The following MAPKAPK5 variants were observed in gnomAD, a reference collection of about 807,000 sequenced individuals.
MAPKAPK5 encodes MAPK activated protein kinase 5.
MAPKAPK5 carries 30 observed loss-of-function variants against 65.1 expected under a neutral mutation model. The ratio of observed to expected loss-of-function variants is 0.46; its 90% confidence interval spans 0.34 to 0.63. MAPKAPK5 has a LOEUF of 0.63. MAPKAPK5 is among the 20% of genes least tolerant of loss of function. MAPKAPK5 has a pLI of 0.01. For missense variants in MAPKAPK5, 433 were observed against 581.4 expected (o/e 0.74, Z 2.63); for synonymous variants, 179 against 204.6 (o/e 0.87, Z 1.07).
intron 1 of MAPKAPK5, among the ~76,000 whole-genome samples, chr12:111,857,889 T>G (rs7956495): frequency 0.2 from 30,078 of 151,756 alleles, 3,194 homozygotes; most frequent in Middle Eastern, 0.28. Context: ...GTGTTTTTTT[T>G]TGTGTGTGTG....
intron 7 of MAPKAPK5, among the ~76,000 whole-genome samples, chr12:111,875,325 C>T (rs2069926382): frequency 1.3e-5 from 2 of 152,118 alleles, no homozygotes; most frequent in Admixed American, 1.3e-4. Flanking sequence ...TTCAGTGCCT[C>T]AGTGGCATGG....
At chr12:111,850,359 G>A (rs2069038419) in intron 1 of MAPKAPK5, among the ~76,000 whole-genome samples, 1 of 152,162 alleles carries the variant, frequency 6.6e-6, no homozygotes, top group Admixed American at 6.6e-5. Flanking sequence ...TGAAGATGCA[G>A]CTTTTACGTG....
At chr12:111,861,166 A>T (rs891209725) in intron 1 of MAPKAPK5, among the ~76,000 whole-genome samples, 6 of 151,944 alleles carry the variant, frequency 3.9e-5, no homozygotes, top group Non-Finnish European at 7.4e-5. Context: ...TAAAAAAAAA[A>T]ATAATTTCCA....
chr12:111,872,322 A>T (rs1192167933), intron 7 of MAPKAPK5, among the ~76,000 whole-genome samples: 1 of 152,182 alleles, frequency 6.6e-6, no homozygotes, highest in Non-Finnish European at 1.5e-5. Flanking sequence ...TAGCGGGCAG[A>T]GTATTACTTC....
intron 1 of MAPKAPK5, among the ~76,000 whole-genome samples, chr12:111,856,423 T>TG (rs1555268527): frequency 2.0e-5 from 3 of 150,806 alleles, no homozygotes; most frequent in African/African-American, 4.9e-5. Flanking sequence ...TTTTTTTTTT[T>TG]GAGACGGAGT....
At chr12:111,847,056 A>C (rs776477847) in intron 1 of MAPKAPK5, among the ~76,000 whole-genome samples, 11 of 152,006 alleles carry the variant, frequency 7.2e-5, no homozygotes, top group Non-Finnish European at 1.2e-4. Context: ...ACTTTAGGAT[A>C]AGGGGCTGGG....
At chr12:111,885,552 C>G (rs1357829135) in intron 9 of MAPKAPK5, 1 of 175,656 alleles carries the variant, frequency 5.7e-6, no homozygotes, top group Non-Finnish European at 1.2e-5. Flanking sequence ...AAAGAGCACT[C>G]TGAGTTCCTT....
intron 13 of MAPKAPK5, among the ~76,000 whole-genome samples, chr12:111,890,508 A>C (rs1484749090): frequency 2.6e-5 from 4 of 152,188 alleles, no homozygotes; most frequent in Non-Finnish European, 4.4e-5. Context: ...GGGGAGAAAG[A>C]GGACAAAGTG....
intron 10 of MAPKAPK5, among the ~76,000 whole-genome samples, chr12:111,886,295 C>G (rs2070402119): frequency 1.3e-5 from 2 of 152,160 alleles, no homozygotes; most frequent in Non-Finnish European, 2.9e-5. Context: ...GCTGCGGGCA[C>G]AGAACAGTTT....
chr12:111,855,361 G>C (rs915987351), intron 1 of MAPKAPK5, among the ~76,000 whole-genome samples: 2 of 152,042 alleles, frequency 1.3e-5, no homozygotes, highest in African/African-American at 4.8e-5. Flanking sequence ...TAGAAGGTTA[G>C]GTTAGTGATT....
intron 1 of MAPKAPK5, among the ~76,000 whole-genome samples, chr12:111,862,073 A>AG (rs1204357163): frequency 0.018 from 2,709 of 152,230 alleles, 89 homozygotes; most frequent in African/African-American, 0.06. Context: ...TTAATTGACC[A>AG]TGCCTTCCTA....
intron 9 of MAPKAPK5, among the ~76,000 whole-genome samples, chr12:111,884,974 G>A (rs77211491): frequency 0.092 from 13,996 of 152,216 alleles, 702 homozygotes; most frequent in East Asian, 0.23. Flanking sequence ...TGGGTGCAAT[G>A]ATTAAATCAC....
At chr12:111,846,751 C>G (rs1432742409) in intron 1 of MAPKAPK5, among the ~76,000 whole-genome samples, 1 of 152,086 alleles carries the variant, frequency 6.6e-6, no homozygotes, top group East Asian at 1.9e-4. Context: ...CCCTCCTCGG[C>G]CTCCCAAAGT....
rs1160445241 is a variant in MAPKAPK5, at chr12:111,885,919, C to T, written c.852C>T (p.Leu284=). The change falls in exon 10 of 14, where the codon CTC becomes CTT. Residue 284 remains leucine, a synonymous_variant. Transcript: ENST00000550735. The part of the protein sequence containing the change: ...SEMAKDVVRK[L]LKVKPEERLT... ...CCTGTTGGCGTTTTCTCCACAGGCTCCTGAAGGTCAAACCGGAGGAGAGAC... is the reference window on the plus strand; with the variant it reads ...CCTGTTGGCGTTTTCTCCACAGGCTTCTGAAGGTCAAACCGGAGGAGAGAC... 6.2e-7 allele frequency: 1 copy of T among 1,613,868 alleles called. No individual in the cohort carries two copies.
At position 111,900,004 on chromosome 12, in the gene MAPKAPK5, G is replaced by T. The variant is rs1455678791; in HGVS notation, c.*6943G>T. ...GTCAACAACCAGCGGTTCCAGATGT[G>T]GGGCAGTAACGTCAATGAGACGGTC... On this transcript the variant is annotated 3_prime_UTR_variant, in exon 14 of 14. Transcript: ENST00000550735. The T allele has an allele frequency of 2.2e-6, 1 of 456,064 alleles. No individual in the cohort carries two copies. The highest frequency in any genetic ancestry group is 6.9e-5 in the East Asian group (1 of 14,398). 28.3% of individuals were successfully genotyped at this position (456,064 alleles called of 1,614,324 possible).
intron 1 of MAPKAPK5, among the ~76,000 whole-genome samples, chr12:111,849,686 A>T (rs1039263400): frequency 6.6e-6 from 1 of 152,174 alleles, no homozygotes; most frequent in African/African-American, 2.4e-5. Flanking sequence ...AAGGTTTTAA[A>T]TTTTATGAAG....
intron 9 of MAPKAPK5, among the ~76,000 whole-genome samples, chr12:111,884,173 G>A (rs549500086): frequency 6.6e-6 from 1 of 152,264 alleles, no homozygotes; most frequent in South Asian, 2.1e-4. Context: ...GTGGTTATGT[G>A]GGTTTGTCAG....
At chr12:111,886,278 C>T (rs1368340262) in intron 10 of MAPKAPK5, among the ~76,000 whole-genome samples, 2 of 152,182 alleles carry the variant, frequency 1.3e-5, no homozygotes, top group African/African-American at 2.4e-5. Context: ...CATATTTCTG[C>T]TACAGGGCTG....
At chr12:111,862,648 C>A (rs767973428) in intron 1 of MAPKAPK5, among the ~76,000 whole-genome samples, 3 of 152,086 alleles carry the variant, frequency 2.0e-5, no homozygotes, top group Non-Finnish European at 4.4e-5. Flanking sequence ...GGCCAGATCA[C>A]GCCATTGTGC....
Sources: allele counts gnomAD v4.1 joint callset (sites outside exome capture counted in the v4.1 genomes callset), GRCh38; gene constraint gnomAD v4.1.1; transcripts MANE v1.5; gene names NCBI Gene and HGNC (gene_info 2026-07-23, HGNC 2026-07-21).